The following MAF variants were observed in gnomAD, a reference collection of about 807,000 sequenced individuals.
MAF encodes the protein transcription factor Maf.
Under a neutral mutation model 22.0 loss-of-function variants are expected in MAF, and 10 were observed. The observed-to-expected ratio is 0.45, with a 90% CI of 0.28 to 0.77. MAF has a LOEUF of 0.77. Among genes scored for constraint, MAF ranks in the 30% least tolerant of loss-of-function variants. The pLI, the probability that MAF is intolerant of heterozygous loss-of-function variation, is 0.12. For synonymous variants in MAF, 337 were observed against 255.8 expected (o/e 1.32, Z -3.03); for missense variants, 544 against 548.4 (o/e 0.99, Z 0.08).
At chr16:79,409,190 T>TA in the MAF span, among the ~76,000 whole-genome samples, 1 of 152,324 alleles carries the variant, frequency 6.6e-6, no homozygotes, top group Middle Eastern at 3.4e-3. Context: ...ATTGGGCTTG[T>TA]ATTCTAGGGA....
At chr16:79,553,324 T>C in the MAF span, among the ~76,000 whole-genome samples, 1 of 152,212 alleles carries the variant, frequency 6.6e-6, no homozygotes, top group African/African-American at 2.4e-5. Context: ...GCTGAGTGGC[T>C]TCCAATGGAG....
At chr16:79,496,127 T>C in the MAF span, among the ~76,000 whole-genome samples, 1 of 152,098 alleles carries the variant, frequency 6.6e-6, no homozygotes, top group Non-Finnish European at 1.5e-5. Context: ...GAGATAAAAA[T>C]GTTGCTATTT....
the MAF span, among the ~76,000 whole-genome samples, chr16:79,233,289 C>G: frequency 6.6e-6 from 1 of 151,986 alleles, no homozygotes; most frequent in African/African-American, 2.4e-5. Flanking sequence ...AGGTTGTGTT[C>G]AACAACTGGA....
At chr16:79,598,437 G>C (rs1597846337) in intron 1 of MAF, 2 of 1,252,672 alleles carry the variant, frequency 1.6e-6, no homozygotes, top group South Asian at 3.3e-5. Flanking sequence ...GCAAGTCCGG[G>C]GGTGGGGCGG....
chr16:79,428,755 G>A, the MAF span, among the ~76,000 whole-genome samples: 5 of 152,028 alleles, frequency 3.3e-5, no homozygotes, highest in Non-Finnish European at 7.4e-5. Flanking sequence ...TGAGGTGGGA[G>A]TATTGCTTGA....
the MAF span, among the ~76,000 whole-genome samples, chr16:79,444,302 T>C: frequency 6.6e-6 from 1 of 152,192 alleles, no homozygotes; most frequent in Non-Finnish European, 1.5e-5. Context: ...AAGTTTCTTC[T>C]TTATGCTTTC....
chr16:79,532,969 G>A, the MAF span, among the ~76,000 whole-genome samples: 1 of 152,186 alleles, frequency 6.6e-6, no homozygotes, highest in African/African-American at 2.4e-5. Flanking sequence ...CATCTGACCT[G>A]CTTCACATAA....
the MAF span, among the ~76,000 whole-genome samples, chr16:79,260,825 G>A: frequency 6.6e-6 from 1 of 150,836 alleles, no homozygotes; most frequent in Non-Finnish European, 1.5e-5. Flanking sequence ...CTTAGAGTGA[G>A]GCCAAATTAA....
the MAF span, among the ~76,000 whole-genome samples, chr16:79,364,196 T>C: frequency 0.034 from 5,159 of 152,228 alleles, 256 homozygotes; most frequent in African/African-American, 0.12. Context: ...ATGTTAAGCA[T>C]AGTAATCACT....
the MAF span, among the ~76,000 whole-genome samples, chr16:79,400,272 G>C: frequency 6.6e-6 from 1 of 152,142 alleles, no homozygotes; most frequent in Non-Finnish European, 1.5e-5. Flanking sequence ...TGTGGCTTGG[G>C]GTGGTAGGGT....
the MAF span, among the ~76,000 whole-genome samples, chr16:79,534,437 A>G: frequency 6.6e-6 from 1 of 152,254 alleles, no homozygotes; most frequent in Admixed American, 6.5e-5. Context: ...CTGGAATGCA[A>G]TGCCCCAAAG....
chr16:79,590,116 CTCG>C (rs1177990698), downstream of MAF, among the ~76,000 whole-genome samples: 2 of 152,158 alleles, frequency 1.3e-5, no homozygotes, highest in Non-Finnish European at 2.9e-5. Flanking sequence ...AGCCACCAGG[CTCG>C]GGCAGTGATG....
intron 1 of MAF, 175 bp downstream of exon 1, chr16:79,598,603 TGTGTGTG>T (rs1913735113): frequency 2.7e-6 from 4 of 1,485,760 alleles, no homozygotes; most frequent in South Asian, 1.3e-5. Flanking sequence ...TGTGTGTGTG[TGTGTGTG>T]GTGTGTGCGT....
chr16:79,428,147 G>C, the MAF span, among the ~76,000 whole-genome samples: 2 of 148,628 alleles, frequency 1.3e-5, no homozygotes, highest in Non-Finnish European at 3.0e-5. Flanking sequence ...CTTCCAAGAG[G>C]CTCTACTGAT....
chr16:79,443,579 T>A, the MAF span, among the ~76,000 whole-genome samples: 1 of 152,228 alleles, frequency 6.6e-6, no homozygotes, highest in Non-Finnish European at 1.5e-5. Flanking sequence ...GAGGGACCTC[T>A]TTTCTTATAC....
At chr16:79,489,049 T>C in the MAF span, among the ~76,000 whole-genome samples, 73 of 152,268 alleles carry the variant, frequency 4.8e-4, no homozygotes, top group Non-Finnish European at 8.7e-4. Flanking sequence ...TGCCTGAAAC[T>C]AGAGAAACGT....
the MAF span, among the ~76,000 whole-genome samples, chr16:79,557,051 C>T: frequency 1.3e-5 from 2 of 151,194 alleles, no homozygotes; most frequent in Non-Finnish European, 2.9e-5. Flanking sequence ...CTCCCAGGCT[C>T]AAGTGATCCT....
chr16:79,562,692 C>T, the MAF span, among the ~76,000 whole-genome samples: 1 of 152,132 alleles, frequency 6.6e-6, no homozygotes, highest in Admixed American at 6.5e-5. Context: ...TCTTAATCCC[C>T]CATGCTTTGG....
the MAF span, among the ~76,000 whole-genome samples, chr16:79,551,682 A>AT: frequency 6.6e-6 from 1 of 152,168 alleles, no homozygotes; most frequent in Admixed American, 6.5e-5. Flanking sequence ...TTACATTTCA[A>AT]TTTTTTTGAA....
Sources: gnomAD v4.1 joint callset for allele counts (sites outside exome capture counted in the v4.1 genomes callset) on GRCh38, gnomAD v4.1.1 for gene constraint, MANE v1.5 for transcripts, NCBI Gene and HGNC (gene_info 2026-07-23, HGNC 2026-07-21) for gene names.